The following PIGX variants were observed in gnomAD, a reference collection of about 807,000 sequenced individuals.
PIGX encodes the protein phosphatidylinositol glycan anchor biosynthesis class X.
Under a neutral mutation model 28.7 loss-of-function variants are expected in PIGX, and 24 were observed. The observed-to-expected ratio is 0.84, with a 90% confidence interval of 0.60 to 1.17. The LOEUF is 1.17. Ranked by LOEUF, PIGX falls within the 50% of genes most tolerant of loss-of-function variation. The pLI is 0.00. For synonymous variants in PIGX, 127 were observed against 121.0 expected (o/e 1.05, Z -0.33); for missense variants, 305 against 317.8 (o/e 0.96, Z 0.31).
In PIGX at chr3:196,715,081, T is replaced by C. The variant is rs530608586; in HGVS notation, c.113-1777T>C. 2.1e-3 allele frequency among the ~76,000 whole-genome samples: 322 copies of C among 151,728 alleles called. 1 individual carries two copies. The highest frequency in any genetic ancestry group is 2.6e-3 in the Admixed American group (39 of 15,254). On this transcript the variant is annotated intron_variant, in intron 1 of 5. Coordinates refer to ENST00000392391, the MANE Select transcript of PIGX (RefSeq NM_017861.4). ...CAGAGTGAGACTCCGTCTCAAAAAA[T>C]AAATAAATAAATAAATAAAAATAAA...
At chr3:196,722,867 G>A (rs750270037) in intron 3 of PIGX, among the ~76,000 whole-genome samples, 7 of 152,198 alleles carry the variant, frequency 4.6e-5, no homozygotes, top group Non-Finnish European at 1.0e-4. Context: ...TTGTTAATGA[G>A]AATGACATAT....
intron 3 of PIGX, among the ~76,000 whole-genome samples, chr3:196,722,804 T>C (rs1172255430): frequency 1.3e-5 from 2 of 152,206 alleles, no homozygotes; most frequent in Non-Finnish European, 2.9e-5. Flanking sequence ...TCTGGGTGTA[T>C]GTGTATGTCT....
intron 4 of PIGX, among the ~76,000 whole-genome samples, chr3:196,728,517 C>T (rs1002202924): frequency 9.2e-5 from 14 of 152,016 alleles, no homozygotes; most frequent in African/African-American, 3.4e-4. Flanking sequence ...AGGTCTTGTC[C>T]ATTTATAAAA....
chr3:196,717,157 G>C (rs562625364), intron 2 of PIGX, among the ~76,000 whole-genome samples: 9 of 151,920 alleles, frequency 5.9e-5, no homozygotes, highest in Admixed American at 5.2e-4. Flanking sequence ...AAATTAGTTG[G>C]GCATGATGGT....
rs1478606405 is a variant in PIGX, at chr3:196,732,291, T to TA, written c.633+1199_633+1200insA. Among the ~76,000 whole-genome samples the TA allele has an allele frequency of 4.7e-3, 461 of 97,594 alleles. 66 individuals carry two copies. The highest frequency in any genetic ancestry group is 0.019 in the African/African-American group (446 of 24,088). 64.0% of individuals were successfully genotyped at this position (97,594 alleles called of 152,430 possible). Reference sequence around the variant, plus strand: ...ATTTTATTTTTTTTTTTATTTTATTTTTTTTTTTGAGACGGAGTCTCGCTC... The same window carrying TA: ...ATTTTATTTTTTTTTTTATTTTATTTATTTTTTTTGAGACGGAGTCTCGCTC... On this transcript the variant is annotated intron_variant, in intron 5 of 5. Transcript: ENST00000392391.
At position 196,716,816 on chromosome 3, in the gene PIGX, C is replaced by T. The variant is rs745329167; in HGVS notation, c.113-42C>T. ...ATAATTATTTAAATATTATTTTATT[C>T]AGTGCTTTTGTTTTTAAAAAAAAAT... On this transcript the variant is annotated intron_variant, in intron 1 of 5. Transcript: ENST00000392391. 5 of 976,148 alleles carry T rather than the reference C, an allele frequency of 5.1e-6. No individual in the cohort carries two copies. The South Asian group carries it at 5.6e-5, about 11-fold the overall frequency. 60.5% of individuals were successfully genotyped at this position (976,148 alleles called of 1,614,324 possible). A position where few individuals can be genotyped will look rare whatever the true frequency, so the allele number is the denominator to read the frequency against.
chr3:196,733,759 G>A lies in PIGX; in HGVS notation c.634G>A (p.Val212Ile). 1.9e-6 allele frequency: 3 copies of A among 1,590,792 alleles called. No homozygotes were observed. Among genetic ancestry groups the A allele is most frequent in the Non-Finnish European group, 2.6e-6 (3 of 1,159,100 alleles). The change falls in exon 6 of 6, where the codon GTA (valine) becomes ATA (isoleucine). Residue 212 changes from valine to isoleucine, a missense_variant and splice_region_variant. By Grantham distance (29) the Val-to-Ile change is conservative. Transcript: ENST00000392391. The surrounding 1 kb of genome is among the most constrained non-coding windows in gnomAD (Gnocchi z 4.3). ...CTAACTTCTCTCTCTCTCTCCATAGGTATATAAGAATGTGATTCTACAAGT... is the reference window on the plus strand; with the variant it reads ...CTAACTTCTCTCTCTCTCTCCATAGATATATAAGAATGTGATTCTACAAGT...
intron 3 of PIGX, among the ~76,000 whole-genome samples, chr3:196,723,870 G>A (rs1446513625): frequency 6.6e-6 from 1 of 151,504 alleles, no homozygotes; most frequent in Non-Finnish European, 1.5e-5. Flanking sequence ...CATTCTCATG[G>A]GTTCATTGAG....
At chr3:196,731,588 A>T (rs1712757260) in intron 5 of PIGX, among the ~76,000 whole-genome samples, 1 of 152,196 alleles carries the variant, frequency 6.6e-6, no homozygotes, top group Admixed American at 6.5e-5. Flanking sequence ...AGTTGGGAAG[A>T]TGGATGACTC....
chr3:196,728,270 C>T, intron 4 of PIGX, 134 bp downstream of exon 4: 1 of 639,604 alleles, frequency 1.6e-6, no homozygotes, highest in Non-Finnish European at 2.8e-6. Flanking sequence ...ATTTATTTGC[C>T]TTATAATAAT....
In PIGX at chr3:196,717,525, G is replaced by A. The variant is rs554563010; in HGVS notation, c.176+604G>A. Among the ~76,000 whole-genome samples the A allele has an allele frequency of 7.1e-4, 108 of 152,098 alleles. 1 individual carries two copies. The highest frequency in any genetic ancestry group is 2.0e-3 in the Admixed American group (30 of 15,272). On this transcript the variant is annotated intron_variant, in intron 2 of 5. Coordinates refer to ENST00000392391, the MANE Select transcript of PIGX (RefSeq NM_017861.4). ...GATGCTCAAGTTCCCTATATCAAATGGCATAGTACTTGTATAGAACCTACA... is the reference window on the plus strand; with the variant it reads ...GATGCTCAAGTTCCCTATATCAAATAGCATAGTACTTGTATAGAACCTACA...
At chr3:196,728,251 T>TA in intron 4 of PIGX, 115 bp downstream of exon 4, 1 of 702,742 alleles carries the variant, frequency 1.4e-6, no homozygotes, top group Non-Finnish European at 2.5e-6. Context: ...AGGTGGTAGT[T>TA]ACAAGGGTAT....
chr3:196,728,036 C>G lies in PIGX; in HGVS notation c.432C>G (p.Ala144=). 6.2e-7 allele frequency: 1 copy of G among 1,614,086 alleles called. No homozygotes were observed. Among genetic ancestry groups the G allele is most frequent in the South Asian group, 1.1e-5 (1 of 91,084 alleles). Residue 144 remains alanine (A), a synonymous_variant, in exon 4 of 6, where the codon GCC becomes GCG. Transcript: ENST00000392391. The stretch of plus-strand genomic sequence containing the variant: ...CACAGTGCATTGACTGTTTTCAAGC[C>G]TTTTTGCCTGTGCACTGCCGCTATC...
At chr3:196,725,613 G>A (rs1305747711) in intron 3 of PIGX, among the ~76,000 whole-genome samples, 1 of 152,090 alleles carries the variant, frequency 6.6e-6, no homozygotes, top group African/African-American at 2.4e-5. Context: ...AATAACAGAA[G>A]GTTCCTTTCA....
chr3:196,733,739 T>TTC lies in PIGX; in HGVS notation c.634-7_634-6dup, dbSNP rs749521246. On this transcript the variant is annotated intron_variant, in intron 5 of 5. Coordinates refer to ENST00000392391, the MANE Select transcript of PIGX (RefSeq NM_017861.4). The surrounding 1 kb of genome is among the most constrained non-coding windows in gnomAD (Gnocchi z 4.3). ...ATGACATGCATTTTCAATGTCTAAC[T>TTC]TCTCTCTCTCTCTCCATAGGTATAT... is the stretch of plus-strand genomic sequence containing the variant. 3.9e-5 allele frequency: 61 copies of TTC among 1,565,456 alleles called. No individual in the cohort carries two copies. The highest frequency in any genetic ancestry group is 7.8e-5 in the South Asian group (7 of 89,518).
In PIGX at chr3:196,728,728, C is replaced by T. The variant is rs183322332; in HGVS notation, c.532+592C>T. The T allele has an allele frequency of 5.9e-5, 45 of 766,332 alleles. 1 individual carries two copies. The highest frequency in any genetic ancestry group is 5.1e-4 in the East Asian group (21 of 41,232). The allele number at this position is 766,332 out of a possible 1,614,324, so 47.5% of individuals were successfully genotyped here. On this transcript the variant is annotated intron_variant, in intron 4 of 5. Coordinates refer to ENST00000392391, the MANE Select transcript of PIGX (RefSeq NM_017861.4). ...TGGCTCCAGAAGAATGATCAGATTC[C>T]GGTTTGATTCCTTTGACAAAACTAT...
At position 196,735,823 on chromosome 3, in the gene PIGX, C is replaced by T. The variant is rs199726939; in HGVS notation, c.*1921C>T. On this transcript the variant is annotated 3_prime_UTR_variant, in exon 6 of 6. Transcript: ENST00000392391. ...AATATGGTTAGACGGGGAGGGAACACGGTACTGTTTAACATCTTAAGAGTA... is the reference window on the plus strand; with the variant it reads ...AATATGGTTAGACGGGGAGGGAACATGGTACTGTTTAACATCTTAAGAGTA... The T allele has an allele frequency of 3.3e-5, 5 of 152,200 alleles. No individual in the cohort carries two copies. Among genetic ancestry groups the T allele is most frequent in the African/African-American group, 1.2e-4 (5 of 41,544 alleles). 9.4% of individuals were successfully genotyped at this position (152,200 alleles called of 1,614,324 possible).
At position 196,735,689 on chromosome 3, in the gene PIGX, T is replaced by C. The variant is rs1176836207; in HGVS notation, c.*1787T>C. The C allele has an allele frequency of 6.6e-6, 1 of 152,232 alleles. No individual in the cohort carries two copies. The highest frequency in any genetic ancestry group is 1.5e-5 in the Non-Finnish European group (1 of 68,052). 9.4% of individuals were successfully genotyped at this position (152,232 alleles called of 1,614,324 possible). A position where few individuals can be genotyped will look rare whatever the true frequency, so the allele number is the denominator to read the frequency against. ...GAAAGAATTTCATGTTTTAGAAACA[T>C]TTCTTTCACTATGGGATTAATAATA... is the stretch of plus-strand genomic sequence containing the variant. On this transcript the variant is annotated 3_prime_UTR_variant, in exon 6 of 6. Coordinates refer to ENST00000392391, the MANE Select transcript of PIGX (RefSeq NM_017861.4).
chr3:196,729,324 C>T (rs1712650426), intron 4 of PIGX, among the ~76,000 whole-genome samples: 1 of 135,208 alleles, frequency 7.4e-6, no homozygotes, highest in South Asian at 2.4e-4. Flanking sequence ...CAGAGCGAGA[C>T]TGCGTCTCAA....
Sources: gnomAD v4.1 joint callset for allele counts (sites outside exome capture counted in the v4.1 genomes callset) on GRCh38, gnomAD v4.1.1 for gene constraint, Gnocchi (gnomAD v3.1) non-coding constraint, MANE v1.5 for transcripts, NCBI Gene and HGNC (gene_info 2026-07-23, HGNC 2026-07-21) for gene names.